The following PSIP1 variants were observed in gnomAD, a reference collection of about 807,000 sequenced individuals.
PSIP1 encodes PC4 and SRSF1 interacting protein 1, also known as PC4 and SFRS1-interacting protein.
PSIP1 carries 19 observed loss-of-function variants against 74.7 expected under a neutral mutation model. That is an observed-to-expected ratio of 0.25 (90% CI 0.18 to 0.37). The LOEUF (loss-of-function observed/expected upper bound fraction) is 0.37, where lower values mean the gene tolerates loss of function less well. Among genes scored for constraint, PSIP1 ranks in the 10% least tolerant of loss-of-function variants. The pLI is 1.00. For synonymous variants in PSIP1, 222 were observed against 195.3 expected (o/e 1.14, Z -1.14); for missense variants, 601 against 614.3 (o/e 0.98, Z 0.23).
intron 3 of PSIP1, chr9:15,505,173 G>C (rs1221124782): frequency 6.6e-6 from 1 of 152,082 alleles, no homozygotes; most frequent in Non-Finnish European, 1.5e-5. Flanking sequence ...CTGAACTCAA[G>C]TGACCCTCCC....
intron 6 of PSIP1, among the ~76,000 whole-genome samples, chr9:15,482,690 G>T (rs1245380272): frequency 6.6e-6 from 1 of 152,086 alleles, no homozygotes; most frequent in Non-Finnish European, 1.5e-5. Flanking sequence ...ATTTTGCAGA[G>T]AAAAAGTGTT....
rs768014936 is a variant in PSIP1 at position 15,465,595 on chromosome 9, GA to G, written c.1533-16del. The G allele has an allele frequency of 6.4e-7, 1 of 1,555,940 alleles. No homozygotes were observed. Among genetic ancestry groups the G allele is most frequent in the Admixed American group, 1.8e-5 (1 of 56,110 alleles). ...CACTGGATGGCCTGAAGAAAAGGGG[GA>G]AAGGTACAACTGGAATTAGGATTTT... On this transcript the variant is annotated splice_polypyrimidine_tract_variant and intron_variant, in intron 15 of 15. Transcript: ENST00000380733.
intron 10 of PSIP1, chr9:15,471,135 G>C: frequency 1.2e-6 from 2 of 1,604,456 alleles, no homozygotes; most frequent in African/African-American, 1.3e-5. Flanking sequence ...TTCATCTCTT[G>C]TTTGCTCCAC....
At chr9:15,474,350 G>A (rs2035984619) in intron 8 of PSIP1, 113 bp from the exon 9 acceptor site, 2 of 869,042 alleles carry the variant, frequency 2.3e-6, no homozygotes, top group Admixed American at 2.8e-5. Context: ...AGTAAAAAGA[G>A]TGTCTTCACT....
chr9:15,487,008 T>C (rs992761505), intron 4 of PSIP1, 77 bp from the exon 5 acceptor site: 4 of 956,696 alleles, frequency 4.2e-6, no homozygotes, highest in Non-Finnish European at 5.9e-6. Context: ...TATTTTTATT[T>C]TTTTTTTAGA....
In PSIP1 at chr9:15,507,896, A is replaced by G. The variant is rs10962049; in HGVS notation, c.73-1259T>C. Among the ~76,000 whole-genome samples the G allele has an allele frequency of 3.7e-3, 556 of 152,248 alleles. 6 individuals are homozygous for G. Among genetic ancestry groups the G allele is most frequent in the African/African-American group, 0.013 (540 of 41,542 alleles). On this transcript the variant is annotated intron_variant, in intron 2 of 15. Coordinates refer to ENST00000380733, the MANE Select transcript of PSIP1 (RefSeq NM_033222.5). The stretch of plus-strand genomic sequence containing the variant: ...TACCACCCAATATCTCTAGGGACCT[A>G]TTTCCCCACTTATATGATGAAGATC...
chr9:15,490,482 A>G (rs2036775868), intron 3 of PSIP1, among the ~76,000 whole-genome samples: 1 of 152,062 alleles, frequency 6.6e-6, no homozygotes, highest in South Asian at 2.1e-4. Context: ...CAGGAGTTTG[A>G]GACCAGCCTG....
At chr9:15,497,276 A>G (rs1052121032) in intron 3 of PSIP1, among the ~76,000 whole-genome samples, 1 of 151,178 alleles carries the variant, frequency 6.6e-6, no homozygotes, top group Non-Finnish European at 1.5e-5. Context: ...GAAAAACATC[A>G]TCCTAAGTGA....
chr9:15,486,081 A>G lies in PSIP1; in HGVS notation c.394-13T>C, dbSNP rs775963086. 1.9e-6 allele frequency: 3 copies of G among 1,576,270 alleles called. No individual in the cohort carries two copies. In the Admixed American group the frequency reaches 5.3e-5, roughly 28 times the overall value. ...CTTTAGTCACATCCTAAAAAAGAAAAAAGAAAACTGAATACTGAATAAATT... is the reference window on the plus strand; with the variant it reads ...CTTTAGTCACATCCTAAAAAAGAAAGAAGAAAACTGAATACTGAATAAATT... On this transcript the variant is annotated splice_polypyrimidine_tract_variant and intron_variant, in intron 5 of 15. Transcript: ENST00000380733.
In PSIP1 at chr9:15,501,840, C is replaced by CATATATATATATATATATATATATAT. The variant is rs112671758; in HGVS notation, c.149+4695_149+4720dup. On this transcript the variant is annotated intron_variant, in intron 3 of 15. Coordinates refer to ENST00000380733, the MANE Select transcript of PSIP1 (RefSeq NM_033222.5). Reference sequence around the variant, plus strand: ...TGTTTAAGTCCCTTATATAAAACAGCATATATATATATATATATATATATA... The same window carrying CATATATATATATATATATATATATAT: ...TGTTTAAGTCCCTTATATAAAACAGCATATATATATATATATATATATATATATATATATATATATATATATATATA... 3.4e-3 allele frequency among the ~76,000 whole-genome samples: 426 copies of CATATATATATATATATATATATATAT among 124,358 alleles called. 1 individual carries two copies. Among genetic ancestry groups the CATATATATATATATATATATATATAT allele is most frequent in the African/African-American group, 6.3e-3 (172 of 27,392 alleles). The allele number at this position is 124,358 out of a possible 152,430, so 81.6% of individuals were successfully genotyped here.
chr9:15,501,897 C>G (rs1466618454), intron 3 of PSIP1, among the ~76,000 whole-genome samples: 1 of 146,306 alleles, frequency 6.8e-6, no homozygotes, highest in African/African-American at 2.7e-5. Context: ...TACTTTAAAT[C>G]TGGGGTCTCC....
intron 4 of PSIP1, among the ~76,000 whole-genome samples, chr9:15,487,317 G>A (rs946035256): frequency 1.2e-4 from 19 of 152,084 alleles, no homozygotes; most frequent in African/African-American, 4.6e-4. Flanking sequence ...AAACGTAGTT[G>A]GGCACTGTGG....
At chr9:15,490,323 T>TA (rs1337906636) in intron 3 of PSIP1, among the ~76,000 whole-genome samples, 199 bp from the exon 4 acceptor site, 2 of 152,226 alleles carry the variant, frequency 1.3e-5, no homozygotes, top group East Asian at 1.9e-4. Context: ...TCCATAATCC[T>TA]ATTAAGTAAA....
intron 1 of PSIP1, 97 bp from the exon 2 acceptor site, chr9:15,510,426 G>A (rs1306383951): frequency 2.7e-6 from 1 of 371,370 alleles, no homozygotes; most frequent in Non-Finnish European, 4.9e-6. Context: ...GTGGGAGAGC[G>A]AGGGGACGGC....
intron 6 of PSIP1, among the ~76,000 whole-genome samples, chr9:15,480,357 T>G (rs1193430489): frequency 6.6e-6 from 1 of 151,716 alleles, no homozygotes; most frequent in Non-Finnish European, 1.5e-5. Context: ...CTTCCCCAAC[T>G]CCCCCAACTA....
intron 2 of PSIP1, among the ~76,000 whole-genome samples, chr9:15,507,631 C>T (rs1011808203): frequency 1.8e-4 from 28 of 151,944 alleles, no homozygotes; most frequent in Admixed American, 5.9e-4. Context: ...GAGTGAGATC[C>T]TGTCTTTAAA....
intron 10 of PSIP1, chr9:15,470,950 A>T (rs1004973790): frequency 8.7e-7 from 1 of 1,151,452 alleles, no homozygotes; most frequent in Non-Finnish European, 1.1e-6. Context: ...AAAAAAAAAA[A>T]AAAAAAAACA....
intron 6 of PSIP1, among the ~76,000 whole-genome samples, chr9:15,484,069 T>G (rs1414676475): frequency 6.7e-6 from 1 of 148,160 alleles, no homozygotes; most frequent in Admixed American, 6.7e-5. Flanking sequence ...GAGGTGGAGG[T>G]TGCAGTGAGC....
intron 14 of PSIP1, chr9:15,468,226 G>C (rs947811448): frequency 4.8e-6 from 2 of 418,192 alleles, no homozygotes; most frequent in African/African-American, 4.1e-5. Context: ...GGCAGGTGTA[G>C]TCTCCACCTA....
Sources: gnomAD v4.1 joint callset for allele counts (sites outside exome capture counted in the v4.1 genomes callset) on GRCh38, gnomAD v4.1.1 for gene constraint, MANE v1.5 for transcripts, NCBI Gene and HGNC (gene_info 2026-07-23, HGNC 2026-07-21) for gene names.